ABCA13: variants seen among roughly 807,000 people sequenced by gnomAD.
ABCA13 encodes the protein ATP binding cassette subfamily A member 13.
A neutral mutation model predicts 478.7 loss-of-function variants in ABCA13; 476 were observed. The ratio of observed to expected loss-of-function variants is 0.99; its 90% CI spans 0.92 to 1.07. ABCA13 has a LOEUF of 1.07. Ranked by LOEUF, ABCA13 falls within the 50% of genes least tolerant of loss-of-function variation. ABCA13 has a pLI of 0.00. For synonymous variants in ABCA13, 2,252 were observed against 2,158.9 expected (o/e 1.04, Z -1.20); for missense variants, 6,060 against 5,910.6 (o/e 1.03, Z -0.83).
intron 22 of ABCA13, 25 bp from the exon 23 acceptor site, chr7:48,298,341 A>G (rs763679057): frequency 6.3e-7 from 1 of 1,587,898 alleles, no homozygotes; most frequent in Non-Finnish European, 8.6e-7. Context: ...TATTACACAA[A>G]TTTCTTATTT....
At chr7:48,523,553 A>C (rs1458017227) in intron 53 of ABCA13, among the ~76,000 whole-genome samples, 5 of 151,990 alleles carry the variant, frequency 3.3e-5, no homozygotes, top group Admixed American at 2.6e-4. Flanking sequence ...CGTTATCATT[A>C]AAATATAATC....
chr7:48,448,766 T>A (rs35146218), intron 42 of ABCA13, among the ~76,000 whole-genome samples: 45,276 of 152,102 alleles, frequency 0.3, 6,825 homozygotes, highest in East Asian at 0.38. Flanking sequence ...AGATAAATAT[T>A]GCCTCCACTT....
At chr7:48,465,670 A>G (rs1365758257) in intron 43 of ABCA13, among the ~76,000 whole-genome samples, 3 of 152,106 alleles carry the variant, frequency 2.0e-5, no homozygotes, top group African/African-American at 4.8e-5. Context: ...CTATCACCTC[A>G]AATATTTATA....
At chr7:48,215,593 A>G (rs1786332079) in intron 3 of ABCA13, among the ~76,000 whole-genome samples, 1 of 152,218 alleles carries the variant, frequency 6.6e-6, no homozygotes, top group Non-Finnish European at 1.5e-5. Context: ...GTATCTGTGA[A>G]GCACAATAAA....
intron 50 of ABCA13, 124 bp from the exon 51 acceptor site, chr7:48,510,960 A>T: frequency 2.6e-6 from 2 of 768,228 alleles, no homozygotes; most frequent in Non-Finnish European, 4.3e-6. Context: ...CGGCTACAGA[A>T]CTCCTAATGT....
At chr7:48,257,017 C>A (rs1793496678) in intron 15 of ABCA13, among the ~76,000 whole-genome samples, 1 of 152,060 alleles carries the variant, frequency 6.6e-6, no homozygotes, top group African/African-American at 2.4e-5. Context: ...TTGAGGAGAT[C>A]TTTCGCCTTC....
At chr7:48,625,762 TAAACATTC>T (rs564608995) in intron 59 of ABCA13, among the ~76,000 whole-genome samples, 85 of 152,348 alleles carry the variant, frequency 5.6e-4, no homozygotes, top group African/African-American at 2.0e-3. Context: ...TTATCAAAAG[TAAACATTC>T]GGCATTCATT....
intron 55 of ABCA13, among the ~76,000 whole-genome samples, chr7:48,562,226 C>T (rs1470819314): frequency 6.6e-6 from 1 of 151,786 alleles, no homozygotes; most frequent in African/African-American, 2.4e-5. Flanking sequence ...GTTTTAGTGC[C>T]ACTCTTCACT....
Position 48,275,554 on chromosome 7 carries a change from A to G in ABCA13, c.5888A>G (p.Asn1963Ser). The change falls in exon 17 of 62, where the codon AAC becomes AGC. Residue 1963 changes from asparagine (N) to serine (S), a missense_variant. Physicochemically the swap from Asn to Ser is conservative, Grantham distance 46 (BLOSUM62 1). Coordinates refer to ENST00000435803, the MANE Select transcript of ABCA13 (RefSeq NM_152701.5). ...LQIIEKLKNV[N>S]FTKVTSGENI... ...ATCATAGAAAAACTTAAAAATGTCA[A>G]CTTTACAAAAGTTACATCAGGTGAA... The G allele has an allele frequency of 1.2e-6, 2 of 1,613,788 alleles. No individual in the cohort carries two copies. The highest frequency in any genetic ancestry group is 1.1e-5 in the South Asian group (1 of 91,076).
chr7:48,457,559 G>A (rs1825810139), intron 43 of ABCA13, among the ~76,000 whole-genome samples: 1 of 152,130 alleles, frequency 6.6e-6, no homozygotes, highest in African/African-American at 2.4e-5. Context: ...AAATTATTTT[G>A]AGTCTGAGAA....
chr7:48,352,304 A>C lies in ABCA13; in HGVS notation c.10505A>C (p.Lys3502Thr), dbSNP rs751832464. 1.2e-5 allele frequency: 20 copies of C among 1,613,738 alleles called. No homozygotes were observed. The highest frequency in any genetic ancestry group is 1.7e-5 in the Non-Finnish European group (20 of 1,179,892). ...VLYSVRTDVV[K>T]NPSWKFHPQN... ...TACAGCGTGCGAACAGATGTGGTAA[A>C]AAACCCTTCTTGGAAGTTCCACCCT... Residue 3502 changes from lysine to threonine, a missense_variant, in exon 31 of 62, where the codon AAA (lysine) becomes ACA (threonine). By Grantham distance (78) the Lys-to-Thr change is moderately conservative. Around this residue, in one of 3 missense-constraint regions of ABCA13, gnomAD observed 4,423 missense variants for 4,309.1 expected, o/e 1.03. Transcript: ENST00000435803.
In ABCA13 at chr7:48,275,139, T is replaced by C. The variant is rs1462876311; in HGVS notation, c.5473T>C (p.Trp1825Arg). ...ALACFPVVWC[W>R]NHTNSGFRQN... is the part of the protein sequence containing the mutation. ...AGCTTGTTTTCCTGTGGTTTGGTGC[T>C]GGAATCACACAAATTCTGGATTTCG... The change falls in exon 17 of 62, where the codon TGG (tryptophan) becomes CGG (arginine). Residue 1825 changes from tryptophan to arginine, a missense_variant. Physicochemically the swap from Trp to Arg is moderately radical, Grantham distance 101. Around this residue, in one of 3 missense-constraint regions of ABCA13, gnomAD observed 4,423 missense variants for 4,309.1 expected, o/e 1.03. Coordinates refer to ENST00000435803, the MANE Select transcript of ABCA13 (RefSeq NM_152701.5). The C allele has an allele frequency of 5.6e-6, 9 of 1,613,930 alleles. No homozygotes were observed. The highest frequency in any genetic ancestry group is 7.6e-6 in the Non-Finnish European group (9 of 1,179,846).
intron 55 of ABCA13, among the ~76,000 whole-genome samples, chr7:48,564,899 T>A (rs888378944): frequency 3.3e-5 from 5 of 152,154 alleles, no homozygotes; most frequent in African/African-American, 9.7e-5. Flanking sequence ...CTGTAAAATT[T>A]AACAGTGACT....
Position 48,274,703 on chromosome 7 carries a change from G to A in ABCA13, c.5037G>A (p.Val1679=), listed in dbSNP as rs1204500859. The change falls in exon 17 of 62, where the codon GTG becomes GTA. Residue 1679 remains valine, a synonymous_variant. Coordinates refer to ENST00000435803, the MANE Select transcript of ABCA13 (RefSeq NM_152701.5). ...AGAAGGCAGACATAGACCTTTTAGT[G>A]GATCAGCTTGAACAAGTTAGTGTAA... The part of the protein sequence containing the change: ...TLKKADIDLL[V]DQLEQVSVNL... 1.2e-6 allele frequency: 2 copies of A among 1,613,930 alleles called. No homozygotes were observed. The highest frequency in any genetic ancestry group is 8.5e-7 in the Non-Finnish European group (1 of 1,179,848).
At position 48,533,170 on chromosome 7, in the gene ABCA13, A is replaced by G. The variant is rs56672210; in HGVS notation, c.14354+4825A>G. 2.7e-3 allele frequency among the ~76,000 whole-genome samples: 417 copies of G among 152,220 alleles called. 1 individual carries two copies. The highest frequency in any genetic ancestry group is 9.7e-3 in the African/African-American group (404 of 41,556). On this transcript the variant is annotated intron_variant, in intron 55 of 61. Coordinates refer to ENST00000435803, the MANE Select transcript of ABCA13 (RefSeq NM_152701.5). The stretch of plus-strand genomic sequence containing the variant: ...TTCCTTTTAGCATTGCCTTTGCTGT[A>G]TCCCAGAGGTTTTGACAGGTTGTGT...
Position 48,349,627 on chromosome 7 carries a change from C to T in ABCA13, c.10205-1016C>T, listed in dbSNP as rs114456290. Among the ~76,000 whole-genome samples, 412 of 152,268 alleles carry T rather than the reference C, an allele frequency of 2.7e-3. 4 individuals are homozygous for T. The highest frequency in any genetic ancestry group is 9.4e-3 in the African/African-American group (390 of 41,552). The stretch of plus-strand genomic sequence containing the variant: ...AGACTTAATCCAGAAACCTTGGAAG[C>T]CAGGAGGATCTGGGAGCAGGGAAAC... On this transcript the variant is annotated intron_variant, in intron 29 of 61. Coordinates refer to ENST00000435803, the MANE Select transcript of ABCA13 (RefSeq NM_152701.5).
chr7:48,333,467 T>A (rs2128938564), intron 27 of ABCA13, among the ~76,000 whole-genome samples: 1 of 152,346 alleles, frequency 6.6e-6, no homozygotes, highest in South Asian at 2.1e-4. Flanking sequence ...ATTGCTTTTC[T>A]TAATTCTAGT....
intron 58 of ABCA13, among the ~76,000 whole-genome samples, chr7:48,614,788 A>G (rs1792385954): frequency 6.7e-6 from 1 of 149,326 alleles, no homozygotes; most frequent in East Asian, 2.0e-4. Context: ...CGCAAGAACA[A>G]AAAACCAAAC....
rs984631362 is a variant in ABCA13 at position 48,310,823 on chromosome 7, C to T, written c.9516+682C>T. Among the ~76,000 whole-genome samples, 4 of 152,280 alleles carry T rather than the reference C, an allele frequency of 2.6e-5. No homozygotes were observed. The South Asian group carries it at 8.3e-4, about 32-fold the overall frequency. On this transcript the variant is annotated intron_variant, in intron 24 of 61. Transcript: ENST00000435803. The stretch of plus-strand genomic sequence containing the variant: ...GGGCAAGCCCAGGCCCAGCACTTTC[C>T]GGACGGGCCCAGAACCCATGTAGGG...
Sources: allele counts gnomAD v4.1 joint callset (sites outside exome capture counted in the v4.1 genomes callset), GRCh38; gene constraint gnomAD v4.1.1; regional missense constraint gnomAD v4.1.1; transcripts MANE v1.5; gene names NCBI Gene and HGNC (gene_info 2026-07-23, HGNC 2026-07-21).